Variants in LRP6 observed in about 807,000 individuals in gnomAD.
LRP6 encodes low-density lipoprotein receptor-related protein 6.
A neutral mutation model predicts 184.1 loss-of-function variants in LRP6; 43 were observed. That is an observed-to-expected ratio of 0.23 (90% CI 0.18 to 0.30). The LOEUF is 0.30. Among genes scored for constraint, LRP6 ranks in the 10% least tolerant of loss-of-function variants. The pLI is 1.00. For missense variants in LRP6, 1,571 were observed against 2,005.3 expected (o/e 0.78, Z 4.14); for synonymous variants, 719 against 684.9 (o/e 1.05, Z -0.78).
intron 2 of LRP6, among the ~76,000 whole-genome samples, chr12:12,215,738 G>A (rs983705559): frequency 6.6e-5 from 10 of 151,698 alleles, no homozygotes; most frequent in African/African-American, 2.2e-4. Context: ...GTGGCCAGGC[G>A]TGGTGGCTCA....
intron 1 of LRP6, among the ~76,000 whole-genome samples, chr12:12,257,075 A>C (rs375549405): frequency 3.3e-5 from 5 of 152,192 alleles, no homozygotes; most frequent in African/African-American, 1.2e-4. Flanking sequence ...ATAGAGACAG[A>C]AAGTAAATTC....
At chr12:12,195,784 T>C (rs2137024602) in intron 3 of LRP6, among the ~76,000 whole-genome samples, 1 of 152,258 alleles carries the variant, frequency 6.6e-6, no homozygotes, top group South Asian at 2.1e-4. Flanking sequence ...TCCTGAAGCA[T>C]TTCCTCTATG....
Position 12,187,133 on chromosome 12 carries a change from G to C in LRP6, c.648-14C>G. On this transcript the variant is annotated splice_polypyrimidine_tract_variant and intron_variant, in intron 3 of 22. Transcript: ENST00000261349. ...ACCACTGCCTGCCTATTAACATAAAGAGAAAAATTTAAACTTATTTCTAAA... is the reference window on the plus strand; with the variant it reads ...ACCACTGCCTGCCTATTAACATAAACAGAAAAATTTAAACTTATTTCTAAA... The C allele has an allele frequency of 6.2e-7, 1 of 1,611,462 alleles. No homozygotes were observed. Among genetic ancestry groups the C allele is most frequent in the Non-Finnish European group, 8.5e-7 (1 of 1,178,192 alleles).
chr12:12,235,047 C>T (rs7956971), intron 2 of LRP6, among the ~76,000 whole-genome samples: 69,371 of 151,890 alleles, frequency 0.46, 16,800 homozygotes, highest in East Asian at 0.76. Context: ...AAGAAGAACA[C>T]TTTCCTGAGT....
chr12:12,177,179 A>C (rs879575866), intron 7 of LRP6, among the ~76,000 whole-genome samples: 10 of 152,092 alleles, frequency 6.6e-5, no homozygotes, highest in Admixed American at 6.5e-4. Context: ...TCAGAAGAGA[A>C]CAGGGTTATC....
intron 22 of LRP6, among the ~76,000 whole-genome samples, chr12:12,122,179 T>C (rs1007334124): frequency 6.6e-6 from 1 of 152,210 alleles, no homozygotes; most frequent in African/African-American, 2.4e-5. Context: ...CATACAGTTG[T>C]TAGGTTTGTA....
Position 12,244,649 on chromosome 12 carries a change from G to C in LRP6, c.62C>G (p.Pro21Arg). Residue 21 changes from proline (P) to arginine (R), a missense_variant, in exon 2 of 23, where the codon CCT becomes CGT. Around this residue, in one of 4 missense-constraint regions of LRP6, gnomAD observed 640 missense variants for 851.9 expected, o/e 0.75. Coordinates refer to ENST00000261349, the MANE Select transcript of LRP6 (RefSeq NM_002336.3). ...CSFCVLLRAA[P>R]LLLYANRRDL... ...CCGTCTGTTTGCATAAAGCAACAAA[G>C]GGGCCGCTAGAACAAAAAAAGAAAA... 6.2e-7 allele frequency: 1 copy of C among 1,613,916 alleles called. No individual in the cohort carries two copies. The highest frequency in any genetic ancestry group is 8.5e-7 in the Non-Finnish European group (1 of 1,179,976).
At chr12:12,197,989 G>A (rs1863810023) in intron 3 of LRP6, among the ~76,000 whole-genome samples, 1 of 152,238 alleles carries the variant, frequency 6.6e-6, no homozygotes, top group Non-Finnish European at 1.5e-5. Context: ...AGGTTGCAGT[G>A]AACAGATTCT....
chr12:12,179,914 G>T lies in LRP6; in HGVS notation c.1441C>A (p.Arg481Ser). ...IERAALDGSDRVVLVNTSLGW... is the reference protein window; with the variant it reads ...IERAALDGSDSVVLVNTSLGW... Reference sequence around the variant, plus strand: ...AGAGAAGTGTTAACCAATACTACACGGTCAGAACCATCCAGAGCTGCTCGC... The same window carrying T: ...AGAGAAGTGTTAACCAATACTACACTGTCAGAACCATCCAGAGCTGCTCGC... The change falls in exon 7 of 23, where the codon CGT becomes AGT. Residue 481 changes from arginine (R) to serine (S), a missense_variant. By Grantham distance (110) the Arg-to-Ser change is moderately radical. This residue lies in a region of LRP6 where 640 missense variants were observed against 851.9 expected (regional missense o/e 0.75). Coordinates refer to ENST00000261349, the MANE Select transcript of LRP6 (RefSeq NM_002336.3). 1.2e-6 allele frequency: 2 copies of T among 1,613,846 alleles called. No homozygotes were observed. Among genetic ancestry groups the T allele is most frequent in the Non-Finnish European group, 1.7e-6 (2 of 1,179,858 alleles).
Position 12,198,754 on chromosome 12 carries a change from G to A in LRP6, c.647+4449C>T, listed in dbSNP as rs185592561. On this transcript the variant is annotated intron_variant, in intron 3 of 22. Coordinates refer to ENST00000261349, the MANE Select transcript of LRP6 (RefSeq NM_002336.3). ...TCACCATGTTGGCAAGGCTGGTCTC[G>A]AACTCCTGACCTCAGGTGACCCGCC... Among the ~76,000 whole-genome samples the A allele has an allele frequency of 7.6e-3, 1,150 of 151,852 alleles. 22 individuals are homozygous for A. The highest frequency in any genetic ancestry group is 0.037 in the Admixed American group (571 of 15,248).
intron 8 of LRP6, 36 bp downstream of exon 8, chr12:12,165,043 G>C: frequency 1.3e-6 from 2 of 1,513,636 alleles, no homozygotes; most frequent in Non-Finnish European, 1.8e-6. Flanking sequence ...TTTCATTCCT[G>C]GTTCCCATTT....
chr12:12,265,017 C>T (rs903162809), intron 1 of LRP6, among the ~76,000 whole-genome samples: 3 of 152,222 alleles, frequency 2.0e-5, no homozygotes, highest in Non-Finnish European at 4.4e-5. Flanking sequence ...CACGCTTCTC[C>T]TCCAAGAAAT....
intron 16 of LRP6, among the ~76,000 whole-genome samples, chr12:12,137,103 C>T (rs1949851697): frequency 6.6e-6 from 1 of 152,086 alleles, no homozygotes; most frequent in Non-Finnish European, 1.5e-5. Flanking sequence ...TGAACTGTAC[C>T]AACATAATGA....
chr12:12,249,421 C>G (rs770088155), intron 1 of LRP6: 3 of 797,188 alleles, frequency 3.8e-6, no homozygotes, highest in South Asian at 1.4e-5. Context: ...GACAGTGTTA[C>G]AGCAACTAAT....
At chr12:12,246,535 T>A (rs755146352) in intron 1 of LRP6, among the ~76,000 whole-genome samples, 3 of 151,478 alleles carry the variant, frequency 2.0e-5, no homozygotes, top group Non-Finnish European at 2.9e-5. Flanking sequence ...TACAAAAAAA[T>A]TAATTTAAAA....
intron 2 of LRP6, among the ~76,000 whole-genome samples, chr12:12,231,038 G>A (rs150359553): frequency 0.052 from 7,945 of 151,700 alleles, 228 homozygotes; most frequent in Middle Eastern, 0.16. Context: ...AAAATTAGCC[G>A]GGTGTGATGG....
At chr12:12,151,124 T>A in intron 12 of LRP6, 86 bp from the exon 13 acceptor site, 9 of 1,177,550 alleles carry the variant, frequency 7.6e-6, no homozygotes, top group Non-Finnish European at 1.1e-5. Context: ...GTTGTATGTA[T>A]TTCATACAAA....
chr12:12,137,853 T>C (rs966980017), intron 16 of LRP6, among the ~76,000 whole-genome samples: 8 of 151,894 alleles, frequency 5.3e-5, no homozygotes, highest in East Asian at 3.9e-4. Context: ...CCGGGTAAGG[T>C]TGACATAAGG....
At chr12:12,154,276 TAGCTC>T (rs1481435635) in intron 12 of LRP6, among the ~76,000 whole-genome samples, 1 of 151,992 alleles carries the variant, frequency 6.6e-6, no homozygotes, top group African/African-American at 2.4e-5. Flanking sequence ...AGTATCCGCA[TAGCTC>T]ATTTCCTCAC....
Sources: gnomAD v4.1 joint callset for allele counts (sites outside exome capture counted in the v4.1 genomes callset) on GRCh38, gnomAD v4.1.1 for gene constraint, gnomAD v4.1.1 regional missense constraint, MANE v1.5 for transcripts, NCBI Gene and HGNC (gene_info 2026-07-23, HGNC 2026-07-21) for gene names.